Variants in LRRC4C observed in about 807,000 individuals in gnomAD.
LRRC4C encodes the protein leucine-rich repeat-containing protein 4C.
LRRC4C carries 5 observed loss-of-function variants against 33.6 expected under a neutral mutation model. The ratio of observed to expected loss-of-function variants is 0.15; its 90% CI spans 0.08 to 0.31. LRRC4C has a LOEUF of 0.31. Ranked by LOEUF, LRRC4C falls within the 10% of genes least tolerant of loss-of-function variation. The probability of loss-of-function intolerance (pLI) is 1.00; values close to 1 mark genes in which losing one functional copy is unlikely to be tolerated. For synonymous variants in LRRC4C, 329 were observed against 302.0 expected (o/e 1.09, Z -0.93); for missense variants, 560 against 796.7 (o/e 0.70, Z 3.58).
chr11:40,834,903 G>GACACACAC (rs1257327297), intron 2 of LRRC4C, among the ~76,000 whole-genome samples: 527 of 39,000 alleles, frequency 0.014, 1 homozygote, highest in Middle Eastern at 0.025. Context: ...CAGACAGACA[G>GACACACAC]ACAGACAGAC....
At chr11:40,906,785 G>T (rs558720169) in intron 2 of LRRC4C, among the ~76,000 whole-genome samples, 1 of 152,064 alleles carries the variant, frequency 6.6e-6, no homozygotes. Context: ...ATATGTACGT[G>T]TGTATATTTT....
At chr11:41,282,633 C>T (rs1168086137) in intron 1 of LRRC4C, among the ~76,000 whole-genome samples, 3 of 151,498 alleles carry the variant, frequency 2.0e-5, no homozygotes, top group East Asian at 3.9e-4. Flanking sequence ...GATCGGTTTG[C>T]GTAGGATGAG....
intron 1 of LRRC4C, among the ~76,000 whole-genome samples, chr11:41,214,575 C>CAAAAAA (rs547167050): frequency 1.0e-3 from 36 of 34,760 alleles, no homozygotes; most frequent in African/African-American, 3.8e-3. Context: ...ACTAAAAATA[C>CAAAAAA]AAAAAAAAAA....
intron 1 of LRRC4C, among the ~76,000 whole-genome samples, chr11:41,264,672 T>C (rs1229167123): frequency 6.6e-6 from 1 of 152,180 alleles, no homozygotes; most frequent in Non-Finnish European, 1.5e-5. Context: ...GTAGTATATA[T>C]TCACTCTGTG....
intron 6 of LRRC4C, among the ~76,000 whole-genome samples, chr11:40,131,524 G>A (rs568044156): frequency 6.6e-6 from 1 of 152,104 alleles, no homozygotes; most frequent in East Asian, 1.9e-4. Context: ...TCAAGAAAAG[G>A]TTGATTGTTG....
chr11:41,017,611 T>C (rs935018559), intron 1 of LRRC4C, among the ~76,000 whole-genome samples: 1 of 151,978 alleles, frequency 6.6e-6, no homozygotes, highest in Non-Finnish European at 1.5e-5. Context: ...GTTCTTACAC[T>C]CTGTTTTAGA....
chr11:40,457,898 T>C (rs968243597), intron 3 of LRRC4C, among the ~76,000 whole-genome samples: 1 of 152,194 alleles, frequency 6.6e-6, no homozygotes, highest in African/African-American at 2.4e-5. Flanking sequence ...GTAGCCATTC[T>C]CCTTTTCTTC....
At chr11:40,687,809 A>AT (rs746129690) in intron 2 of LRRC4C, among the ~76,000 whole-genome samples, 54 of 152,224 alleles carry the variant, frequency 3.5e-4, no homozygotes, top group South Asian at 6.2e-4. Context: ...AATAAGCTTC[A>AT]TATTTATTCA....
chr11:41,433,421 G>A lies in LRRC4C; in HGVS notation c.-496+26010C>T, dbSNP rs750614093. ...CCAAATTGGGCTTCTATAGTGTGAT[G>A]GTTAATACTGAGTTTTAACTTGATT... On this transcript the variant is annotated intron_variant, in intron 1 of 6. Transcript: ENST00000528697. 1.8e-4 allele frequency among the ~76,000 whole-genome samples: 27 copies of A among 152,128 alleles called. No individual in the cohort carries two copies. The Middle Eastern group carries it at 0.01, about 57-fold the overall frequency.
intron 3 of LRRC4C, among the ~76,000 whole-genome samples, chr11:40,557,120 G>A (rs1216672137): frequency 6.6e-6 from 1 of 151,980 alleles, no homozygotes; most frequent in Non-Finnish European, 1.5e-5. Context: ...GAAATAAAAT[G>A]GTGGTTATTT....
chr11:40,883,108 A>G (rs1398962460), intron 2 of LRRC4C, among the ~76,000 whole-genome samples: 1 of 152,040 alleles, frequency 6.6e-6, no homozygotes, highest in Admixed American at 6.6e-5. Flanking sequence ...GATAACTTCT[A>G]TTCCCATGTC....
intron 6 of LRRC4C, among the ~76,000 whole-genome samples, chr11:40,136,059 G>A (rs929320635): frequency 2.0e-5 from 3 of 152,086 alleles, no homozygotes; most frequent in South Asian, 2.1e-4. Flanking sequence ...AGGCAAAATC[G>A]GGCTCACCAC....
At chr11:40,689,178 G>T (rs1945109334) in intron 2 of LRRC4C, among the ~76,000 whole-genome samples, 1 of 151,982 alleles carries the variant, frequency 6.6e-6, no homozygotes, top group Non-Finnish European at 1.5e-5. Flanking sequence ...TTTTGATTCT[G>T]GAATCTCTGC....
intron 2 of LRRC4C, among the ~76,000 whole-genome samples, chr11:40,908,241 G>C (rs1437041586): frequency 6.6e-6 from 1 of 152,034 alleles, no homozygotes; most frequent in Non-Finnish European, 1.5e-5. Context: ...GAAAACTAAA[G>C]AGACCAACAC....
intron 2 of LRRC4C, among the ~76,000 whole-genome samples, chr11:40,799,909 G>A (rs4351810): frequency 0.034 from 5,100 of 152,152 alleles, 265 homozygotes; most frequent in African/African-American, 0.11. Flanking sequence ...ATCATCCTTG[G>A]CTTGTATTCT....
chr11:40,774,621 G>A (rs1056160857), intron 2 of LRRC4C, among the ~76,000 whole-genome samples: 2 of 152,192 alleles, frequency 1.3e-5, no homozygotes, highest in Admixed American at 1.3e-4. Flanking sequence ...TCTTTAACCT[G>A]TGAAGAATCA....
chr11:41,056,332 A>G (rs1028190840), intron 1 of LRRC4C, among the ~76,000 whole-genome samples: 2 of 152,194 alleles, frequency 1.3e-5, no homozygotes, highest in African/African-American at 4.8e-5. Context: ...TCTAGGATAT[A>G]CTATTCTGGA....
At chr11:41,244,610 A>G (rs779891023) in intron 1 of LRRC4C, among the ~76,000 whole-genome samples, 3 of 152,210 alleles carry the variant, frequency 2.0e-5, no homozygotes, top group Non-Finnish European at 4.4e-5. Flanking sequence ...AAGGTCTTAT[A>G]CTGCTTGAAT....
At chr11:40,138,187 A>G (rs1857118668) in intron 6 of LRRC4C, among the ~76,000 whole-genome samples, 2 of 148,936 alleles carry the variant, frequency 1.3e-5, no homozygotes, top group Admixed American at 1.3e-4. Flanking sequence ...TTTTTTTTAG[A>G]GATGGAGTCT....
Sources: gnomAD v4.1 joint callset for allele counts (sites outside exome capture counted in the v4.1 genomes callset) on GRCh38, gnomAD v4.1.1 for gene constraint, MANE v1.5 for transcripts, NCBI Gene and HGNC (gene_info 2026-07-23, HGNC 2026-07-21) for gene names.